The following CHST9 variants were observed in gnomAD, a reference collection of about 807,000 sequenced individuals.
CHST9 encodes carbohydrate sulfotransferase 9, also known as GalNAc-4-sulfotransferase 2.
CHST9 carries 41 observed loss-of-function variants against 44.4 expected under a neutral mutation model. That is an observed-to-expected ratio of 0.92 (90% CI 0.72 to 1.20). The LOEUF (loss-of-function observed/expected upper bound fraction) is 1.20, where lower values mean the gene tolerates loss of function less well. CHST9 is among the 50% of genes most tolerant of loss of function. The pLI, the probability that CHST9 is intolerant of heterozygous loss-of-function variation, is 0.00. For missense variants in CHST9, 504 were observed against 516.5 expected, an observed-to-expected ratio of 0.98 and a Z score of 0.23; for synonymous variants, 171 against 178.4, an observed-to-expected ratio of 0.96 and a Z score of 0.33.
chr18:26,980,752 AG>A (rs570675015), intron 4 of CHST9, among the ~76,000 whole-genome samples: 17 of 152,304 alleles, frequency 1.1e-4, no homozygotes, highest in Non-Finnish European at 2.4e-4. Flanking sequence ...GGGAAAAAAA[AG>A]GTTTTATAAT....
chr18:27,001,857 A>G (rs1301369638), intron 4 of CHST9, among the ~76,000 whole-genome samples: 1 of 152,190 alleles, frequency 6.6e-6, no homozygotes, highest in Non-Finnish European at 1.5e-5. Flanking sequence ...TAGAATCAGA[A>G]ACACCCACGG....
At chr18:27,178,101 A>G (rs1271425035) in intron 1 of CHST9, among the ~76,000 whole-genome samples, 1 of 152,044 alleles carries the variant, frequency 6.6e-6, no homozygotes, top group Non-Finnish European at 1.5e-5. Flanking sequence ...CATTCAACAG[A>G]CCAAGAAGCT....
At chr18:26,961,429 CTT>C (rs1234306378) in intron 4 of CHST9, among the ~76,000 whole-genome samples, 13 of 144,996 alleles carry the variant, frequency 9.0e-5, no homozygotes, top group Admixed American at 6.9e-5. Flanking sequence ...CATCTGTTTC[CTT>C]TTTTTTTTTT....
At chr18:27,089,126 T>G (rs2058041624) in intron 2 of CHST9, among the ~76,000 whole-genome samples, 1 of 151,968 alleles carries the variant, frequency 6.6e-6, no homozygotes, top group Non-Finnish European at 1.5e-5. Flanking sequence ...TCTTCCTCTT[T>G]TTCTCTTTCT....
intron 2 of CHST9, among the ~76,000 whole-genome samples, chr18:27,109,210 C>T (rs1276321949): frequency 2.0e-5 from 3 of 152,060 alleles, no homozygotes; most frequent in African/African-American, 4.8e-5. Flanking sequence ...GAATTCATGC[C>T]CACACCTGGG....
intron 3 of CHST9, among the ~76,000 whole-genome samples, chr18:27,027,997 C>A (rs1222286270): frequency 6.6e-6 from 1 of 152,120 alleles, no homozygotes; most frequent in Non-Finnish European, 1.5e-5. Context: ...CCCACTGCAA[C>A]CTCTGCCTCC....
At chr18:27,043,464 C>G (rs183622254) in intron 3 of CHST9, among the ~76,000 whole-genome samples, 1 of 152,174 alleles carries the variant, frequency 6.6e-6, no homozygotes, top group East Asian at 1.9e-4. Context: ...ATTCCCTACA[C>G]AGGTTGCAGT....
At chr18:27,053,964 A>C (rs930965362) in intron 2 of CHST9, among the ~76,000 whole-genome samples, 2 of 152,046 alleles carry the variant, frequency 1.3e-5, no homozygotes. Flanking sequence ...GTAACCTTTC[A>C]TTTACTCCTT....
At chr18:27,123,765 G>A (rs1232212689) in intron 2 of CHST9, among the ~76,000 whole-genome samples, 1 of 152,202 alleles carries the variant, frequency 6.6e-6, no homozygotes, top group Non-Finnish European at 1.5e-5. Context: ...GAGGAGGCCA[G>A]AGAGAGACTG....
chr18:27,158,800 A>G (rs559440519), intron 1 of CHST9, among the ~76,000 whole-genome samples: 75 of 151,606 alleles, frequency 4.9e-4, no homozygotes, highest in Non-Finnish European at 9.0e-4. Flanking sequence ...TGCCATTCTA[A>G]CTGGTGTGAG....
At chr18:27,178,986 T>A (rs937551026) in intron 1 of CHST9, among the ~76,000 whole-genome samples, 1 of 152,048 alleles carries the variant, frequency 6.6e-6, no homozygotes, top group South Asian at 2.1e-4. Flanking sequence ...TTCCTGTTTT[T>A]TCAAAGCCTA....
At chr18:27,105,809 C>T (rs968817955) in intron 2 of CHST9, among the ~76,000 whole-genome samples, 9 of 140,190 alleles carry the variant, frequency 6.4e-5, no homozygotes, top group African/African-American at 2.4e-4. Flanking sequence ...CTCACACAGG[C>T]AATAATCTGT....
At chr18:27,184,651 C>T (rs945728827) in intron 1 of CHST9, among the ~76,000 whole-genome samples, 1 of 152,126 alleles carries the variant, frequency 6.6e-6, no homozygotes, top group East Asian at 1.9e-4. Context: ...GGAGGCACCC[C>T]CGCAGCAGAG....
At chr18:27,104,585 G>A (rs1598727662) in intron 2 of CHST9, among the ~76,000 whole-genome samples, 1 of 152,200 alleles carries the variant, frequency 6.6e-6, no homozygotes, top group East Asian at 1.9e-4. Flanking sequence ...ATTCTGGTTA[G>A]TAATTCTGAT....
intron 2 of CHST9, among the ~76,000 whole-genome samples, chr18:27,124,564 A>G (rs2058403788): frequency 6.6e-6 from 1 of 152,230 alleles, no homozygotes; most frequent in African/African-American, 2.4e-5. Flanking sequence ...ATTTAAGCAC[A>G]CCACCATTTT....
chr18:27,001,927 A>G (rs530183390), intron 4 of CHST9, among the ~76,000 whole-genome samples: 19 of 152,156 alleles, frequency 1.2e-4, no homozygotes, highest in Non-Finnish European at 2.5e-4. Context: ...GAATTATGAG[A>G]TAACAACCTA....
At chr18:26,918,552 T>C (rs2055583421) in intron 5 of CHST9, among the ~76,000 whole-genome samples, 1 of 152,064 alleles carries the variant, frequency 6.6e-6, no homozygotes, top group Non-Finnish European at 1.5e-5. Context: ...GTATACACAA[T>C]TTTTAACCAT....
At position 26,914,829 on chromosome 18, in the gene CHST9, A is replaced by G. The variant is rs2145039765; in HGVS notation, c.*1430T>C. 2.5e-6 allele frequency: 1 copy of G among 397,180 alleles called. No individual in the cohort carries two copies. Among genetic ancestry groups the G allele is most frequent in the East Asian group, 3.6e-5 (1 of 27,958 alleles). The allele number at this position is 397,180 out of a possible 1,614,324, so 24.6% of individuals were successfully genotyped here. A position where few individuals can be genotyped will look rare whatever the true frequency, so the allele number is the denominator to read the frequency against. ...CATTACTGAATATTTACTGATAAGAAAAAAATGATAGCTTAGGAAGAGGAA... is the reference window on the plus strand; with the variant it reads ...CATTACTGAATATTTACTGATAAGAGAAAAATGATAGCTTAGGAAGAGGAA... On this transcript the variant is annotated 3_prime_UTR_variant, in exon 6 of 6. Coordinates refer to ENST00000618847, the MANE Select transcript of CHST9 (RefSeq NM_031422.6).
rs536598864 is a variant in CHST9 at position 26,940,481 on chromosome 18, T to C, written c.240+3848A>G. On this transcript the variant is annotated intron_variant, in intron 5 of 5. Coordinates refer to ENST00000618847, the MANE Select transcript of CHST9 (RefSeq NM_031422.6). ...GGAGGTTTTTCTACTTAGTTTTTAT[T>C]TCTCAGCAAGATGATATTTTAAAAA... Among the ~76,000 whole-genome samples, 6 of 152,332 alleles carry C rather than the reference T, an allele frequency of 3.9e-5. No individual in the cohort carries two copies. In the East Asian group the frequency reaches 1.2e-3, roughly 29 times the overall value.
Sources: allele counts gnomAD v4.1 joint callset (sites outside exome capture counted in the v4.1 genomes callset), GRCh38; gene constraint gnomAD v4.1.1; transcripts MANE v1.5; gene names NCBI Gene and HGNC (gene_info 2026-07-23, HGNC 2026-07-21).